Variants in CSMD3 observed in about 807,000 individuals in gnomAD.
CSMD3 encodes the protein CUB and Sushi multiple domains 3.
In CSMD3, 177 loss-of-function variants were observed where a neutral mutation model predicts 435.2. That is an observed-to-expected ratio of 0.41 (90% CI 0.36 to 0.46). The LOEUF is 0.46. Among genes scored for constraint, CSMD3 ranks in the 20% least tolerant of loss-of-function variants. The pLI is 0.34. For synonymous variants in CSMD3, 1,656 were observed against 1,520.5 expected, an observed-to-expected ratio of 1.09 and a Z score of -2.07; for missense variants, 4,265 against 4,504.6, an observed-to-expected ratio of 0.95 and a Z score of 1.52.
chr8:112,481,708 C>G (rs1468984623), intron 31 of CSMD3, among the ~76,000 whole-genome samples: 2 of 152,094 alleles, frequency 1.3e-5, no homozygotes, highest in Non-Finnish European at 1.5e-5. Context: ...TCTCATGGAG[C>G]ATTTTTTAAG....
chr8:112,399,532 G>T (rs1831140447), intron 35 of CSMD3, among the ~76,000 whole-genome samples: 1 of 152,118 alleles, frequency 6.6e-6, no homozygotes, highest in Admixed American at 6.6e-5. Context: ...TGGGATTACA[G>T]TTGTGAGCCA....
intron 3 of CSMD3, among the ~76,000 whole-genome samples, chr8:113,175,249 T>C (rs6995851): frequency 0.14 from 21,000 of 151,674 alleles, 2,654 homozygotes; most frequent in African/African-American, 0.33. Flanking sequence ...AAAAGAAAAA[T>C]CACAGATTAA....
intron 20 of CSMD3, among the ~76,000 whole-genome samples, chr8:112,640,213 C>T (rs185646731): frequency 6.6e-6 from 1 of 152,206 alleles, no homozygotes; most frequent in Non-Finnish European, 1.5e-5. Flanking sequence ...CTCAAATACA[C>T]ACAACACACT....
At chr8:112,635,858 A>G (rs1452344193) in intron 22 of CSMD3, among the ~76,000 whole-genome samples, 1 of 152,134 alleles carries the variant, frequency 6.6e-6, no homozygotes, top group Non-Finnish European at 1.5e-5. Context: ...CATAGTAAAG[A>G]GCAGGGGCTT....
chr8:113,008,214 A>G (rs755463194), intron 6 of CSMD3, among the ~76,000 whole-genome samples: 13 of 151,864 alleles, frequency 8.6e-5, no homozygotes, highest in Non-Finnish European at 1.8e-4. Flanking sequence ...TCACAATTTT[A>G]TGTGAATTAT....
intron 3 of CSMD3, among the ~76,000 whole-genome samples, chr8:113,218,251 T>G (rs1588297708): frequency 6.6e-6 from 1 of 150,624 alleles, no homozygotes; most frequent in East Asian, 1.9e-4. Context: ...AAAGTAATAC[T>G]CAATGTAAAC....
intron 66 of CSMD3, among the ~76,000 whole-genome samples, chr8:112,240,838 C>G (rs1349884114): frequency 6.6e-6 from 1 of 152,002 alleles, no homozygotes; most frequent in African/African-American, 2.4e-5. Flanking sequence ...CTCACAAGAT[C>G]TGGTGGTTTT....
chr8:112,607,590 A>G (rs1220394440), intron 22 of CSMD3, among the ~76,000 whole-genome samples: 1 of 152,110 alleles, frequency 6.6e-6, no homozygotes, highest in Non-Finnish European at 1.5e-5. Context: ...AAAAATTTTA[A>G]CAAACCAAAT....
At chr8:113,211,413 A>T (rs1219293363) in intron 3 of CSMD3, among the ~76,000 whole-genome samples, 2 of 152,182 alleles carry the variant, frequency 1.3e-5, no homozygotes, top group African/African-American at 4.8e-5. Context: ...CCTAATTCAC[A>T]GGGTCTTAGT....
intron 4 of CSMD3, among the ~76,000 whole-genome samples, chr8:113,156,191 T>C (rs2091925194): frequency 6.6e-6 from 1 of 152,052 alleles, no homozygotes; most frequent in Non-Finnish European, 1.5e-5. Context: ...TAAGAATCAG[T>C]GTGTTATTAT....
At chr8:113,025,121 T>C (rs1293796360) in intron 5 of CSMD3, among the ~76,000 whole-genome samples, 2 of 152,188 alleles carry the variant, frequency 1.3e-5, no homozygotes, top group African/African-American at 2.4e-5. Context: ...TTCCTTTCTT[T>C]AGTGTCTGCT....
Position 113,124,805 on chromosome 8 carries a change from G to T in CSMD3, c.710-25842C>A, listed in dbSNP as rs1588117895. The stretch of plus-strand genomic sequence containing the variant: ...GTCATATTTGCCATCTTTTATCTTT[G>T]CACCTCTATACTCCTGCATTATTGC... On this transcript the variant is annotated intron_variant, in intron 4 of 70. Coordinates refer to ENST00000297405, the MANE Select transcript of CSMD3 (RefSeq NM_198123.2). 2.0e-5 allele frequency among the ~76,000 whole-genome samples: 3 copies of T among 151,842 alleles called. No homozygotes were observed. In the South Asian group the frequency reaches 6.2e-4, roughly 31 times the overall value.
intron 12 of CSMD3, among the ~76,000 whole-genome samples, chr8:112,804,038 T>C (rs2132347230): frequency 6.6e-6 from 1 of 152,332 alleles, no homozygotes; most frequent in South Asian, 2.1e-4. Context: ...AAGTAACTCC[T>C]TGTAGCTGTA....
chr8:113,058,297 G>T lies in CSMD3; in HGVS notation c.918-39118C>A, dbSNP rs577868109. On this transcript the variant is annotated intron_variant, in intron 5 of 70. Transcript: ENST00000297405. ...CCAGTTTGAAACATTAAGTATTGTGGGTTGAAGTAGAACATGACCTGATTT... is the reference window on the plus strand; with the variant it reads ...CCAGTTTGAAACATTAAGTATTGTGTGTTGAAGTAGAACATGACCTGATTT... Among the ~76,000 whole-genome samples the T allele has an allele frequency of 4.6e-5, 7 of 151,784 alleles. No individual in the cohort carries two copies. In the South Asian group the frequency reaches 1.5e-3, roughly 32 times the overall value.
At chr8:112,719,025 CAT>C (rs1422493603) in intron 13 of CSMD3, among the ~76,000 whole-genome samples, 3 of 152,120 alleles carry the variant, frequency 2.0e-5, no homozygotes, top group African/African-American at 7.2e-5. Flanking sequence ...TTATTGAAGA[CAT>C]TATTCTGATA....
chr8:113,147,066 T>C (rs979588346), intron 4 of CSMD3, among the ~76,000 whole-genome samples: 4 of 151,670 alleles, frequency 2.6e-5, no homozygotes, highest in African/African-American at 9.7e-5. Flanking sequence ...ACATTATATA[T>C]TTTATGGCCT....
chr8:113,173,228 C>T (rs2092296349), intron 4 of CSMD3, among the ~76,000 whole-genome samples: 1 of 152,144 alleles, frequency 6.6e-6, no homozygotes, highest in Admixed American at 6.5e-5. Context: ...CCTAATTTCA[C>T]AAGCAATGTG....
chr8:112,431,503 G>T (rs1813707532), intron 32 of CSMD3, among the ~76,000 whole-genome samples: 1 of 152,074 alleles, frequency 6.6e-6, no homozygotes. Flanking sequence ...ATGACTTAGA[G>T]AAAAGGGCAA....
chr8:112,711,083 A>G (rs532683562), intron 13 of CSMD3, among the ~76,000 whole-genome samples: 2 of 152,232 alleles, frequency 1.3e-5, no homozygotes, highest in South Asian at 4.2e-4. Flanking sequence ...CTTATTTTAT[A>G]GTAGAGTGGA....
Sources: gnomAD v4.1 joint callset for allele counts (sites outside exome capture counted in the v4.1 genomes callset) on GRCh38, gnomAD v4.1.1 for gene constraint, MANE v1.5 for transcripts, NCBI Gene and HGNC (gene_info 2026-07-23, HGNC 2026-07-21) for gene names.